Variants in FN3K observed in about 807,000 individuals in gnomAD.
The protein encoded by FN3K is fructosamine-3-kinase.
FN3K carries 24 observed loss-of-function variants against 24.8 expected under a neutral mutation model. That is an observed-to-expected ratio of 0.97 (90% CI 0.70 to 1.36). The LOEUF is 1.36. Among genes scored for constraint, FN3K ranks in the 40% most tolerant of loss-of-function variants. The probability of loss-of-function intolerance (pLI) is 0.00; values close to 1 mark genes in which losing one functional copy is unlikely to be tolerated. For synonymous variants in FN3K, 192 were observed against 175.2 expected, an observed-to-expected ratio of 1.10 and a Z score of -0.76; for missense variants, 449 against 416.7, an observed-to-expected ratio of 1.08 and a Z score of -0.67.
At chr17:82,750,024 C>T (rs913362275) in intron 5 of FN3K, 8 of 266,448 alleles carry the variant, frequency 3.0e-5, no homozygotes, top group Admixed American at 1.0e-4. Flanking sequence ...CGCCACTGCA[C>T]TCCAGCCTGG....
In FN3K at chr17:82,750,731, C is replaced by T. The variant is rs149413139; in HGVS notation, c.906C>T (p.Gly302=). The T allele has an allele frequency of 0.016, 25,316 of 1,613,116 alleles. 247 individuals carry two copies. Among genetic ancestry groups the T allele is most frequent in the Non-Finnish European group, 0.018 (20,816 of 1,179,884 alleles). ...GGGAGTACAGGAGCCCTTCCTTGGG[C>T]ACCATGCGAAGGCTGCTCAAGTAGC... The part of the protein sequence containing the change: ...FGREYRSPSL[G]TMRRLLK Residue 302 remains glycine (G), a synonymous_variant, in exon 6 of 6, where the codon GGC becomes GGT. Transcript: ENST00000300784.
At chr17:82,748,579 A>C (rs1334961881) in intron 4 of FN3K, among the ~76,000 whole-genome samples, 1 of 151,554 alleles carries the variant, frequency 6.6e-6, no homozygotes, top group Non-Finnish European at 1.5e-5. Flanking sequence ...CAACCTGCCA[A>C]TCTGTCATTT....
intron 5 of FN3K, chr17:82,749,229 C>T: frequency 1.8e-6 from 1 of 568,928 alleles, no homozygotes; most frequent in Non-Finnish European, 3.2e-6. Context: ...TCAGACTTTC[C>T]TCATGTGAAA....
intron 4 of FN3K, among the ~76,000 whole-genome samples, chr17:82,743,820 G>A (rs2046953940): frequency 6.6e-6 from 1 of 152,348 alleles, no homozygotes; most frequent in East Asian, 1.9e-4. Context: ...CAGACCACAG[G>A]CCCTGACCAT....
At chr17:82,743,058 C>T (rs563521283) in intron 4 of FN3K, among the ~76,000 whole-genome samples, 1 of 152,320 alleles carries the variant, frequency 6.6e-6, no homozygotes, top group South Asian at 2.1e-4. Flanking sequence ...AGATCTCAGC[C>T]ACAGCTGGCT....
chr17:82,748,921 C>G lies in FN3K; in HGVS notation c.535C>G (p.Leu179Val). 6.2e-7 allele frequency: 1 copy of G among 1,614,166 alleles called. No individual in the cohort carries two copies. Among genetic ancestry groups the G allele is most frequent in the Non-Finnish European group, 8.5e-7 (1 of 1,180,042 alleles). ...ARHRLQAQLD[L>V]IEKDYADREA... ...GCACCGGCTCCAGGCGCAGCTGGAC[C>G]TCATTGAGAAGGACTATGCTGACCG... Residue 179 changes from leucine (L) to valine (V), a missense_variant, in exon 5 of 6, where the codon CTC becomes GTC. Leu to Val is a conservative substitution (Grantham distance 32, BLOSUM62 1). Transcript: ENST00000300784.
intron 3 of FN3K, 110 bp from the exon 4 acceptor site, chr17:82,741,201 C>T: frequency 1.1e-6 from 1 of 943,752 alleles, no homozygotes; most frequent in South Asian, 1.4e-5. Context: ...CATCCTCAGA[C>T]CACCTATATT....
At chr17:82,749,306 C>G (rs2046987317) in intron 5 of FN3K, 1 of 402,338 alleles carries the variant, frequency 2.5e-6, no homozygotes, top group Admixed American at 3.6e-5. Flanking sequence ...CACTTGTCCA[C>G]TCCATCGTGT....
At chr17:82,746,305 A>G (rs2046968395) in intron 4 of FN3K, among the ~76,000 whole-genome samples, 1 of 152,062 alleles carries the variant, frequency 6.6e-6, no homozygotes, top group African/African-American at 2.4e-5. Context: ...GATGTGGAGC[A>G]TCTATTCGTG....
chr17:82,735,871 C>A, intron 1 of FN3K, 94 bp downstream of exon 1: 2 of 1,493,534 alleles, frequency 1.3e-6, no homozygotes, highest in South Asian at 1.2e-5. Flanking sequence ...TGGGGCTGGG[C>A]CTGGGGAGGG....
chr17:82,748,447 C>T (rs2046980745), intron 4 of FN3K, among the ~76,000 whole-genome samples: 1 of 152,078 alleles, frequency 6.6e-6, no homozygotes, highest in Non-Finnish European at 1.5e-5. Context: ...TGTGCCTGGC[C>T]TCCAGCTTTC....
At position 82,735,734 on chromosome 17, in the gene FN3K, C is replaced by T. The variant is rs1255868173; in HGVS notation, c.98C>T (p.Thr33Met). 1.3e-6 allele frequency: 2 copies of T among 1,559,944 alleles called. No homozygotes were observed. Residue 33 changes from threonine to methionine, a missense_variant, in exon 1 of 6, where the codon ACG (threonine) becomes ATG (methionine). Physicochemically the swap from Thr to Met is moderately conservative, Grantham distance 81. Transcript: ENST00000300784. Reference sequence around the variant, plus strand: ...ATCAGCGAGGGCCGAGCCTACGACACGGACGCAGGCCCAGTGTTCGTCAAA... The same window carrying T: ...ATCAGCGAGGGCCGAGCCTACGACATGGACGCAGGCCCAGTGTTCGTCAAA... ...GCISEGRAYD[T>M]DAGPVFVKVN...
intron 3 of FN3K, 33 bp from the exon 4 acceptor site, chr17:82,741,278 C>T: frequency 6.3e-7 from 1 of 1,597,092 alleles, no homozygotes. Flanking sequence ...GAAAGACAAA[C>T]AGCTCCTTCA....
At chr17:82,742,823 A>G in intron 4 of FN3K, 1 of 434,484 alleles carries the variant, frequency 2.3e-6, no homozygotes, top group South Asian at 1.6e-5. Context: ...GAATACTTTC[A>G]AATCTGTCTC....
intron 1 of FN3K, chr17:82,737,844 G>C (rs1053106079): frequency 6.6e-6 from 1 of 152,362 alleles, no homozygotes; most frequent in Non-Finnish European, 1.5e-5. Flanking sequence ...GGTATTCATG[G>C]ACCACGTTCG....
intron 4 of FN3K, among the ~76,000 whole-genome samples, chr17:82,742,066 C>G (rs2046944133): frequency 2.0e-5 from 3 of 152,174 alleles, no homozygotes; most frequent in South Asian, 2.1e-4. Flanking sequence ...CACCACCACA[C>G]CCGGCTAATT....
chr17:82,750,142 G>A (rs1398144360), intron 5 of FN3K, among the ~76,000 whole-genome samples: 1 of 152,190 alleles, frequency 6.6e-6, no homozygotes, highest in East Asian at 1.9e-4. Context: ...CTAAGGTAGC[G>A]CAACACTGGT....
At chr17:82,745,087 G>T (rs12452572) in intron 4 of FN3K, 1 of 153,072 alleles carries the variant, frequency 6.5e-6, no homozygotes, top group Non-Finnish European at 1.4e-5. Context: ...TATGGGTGTC[G>T]GGCTGGGGGA....
chr17:82,747,900 T>C (rs567551540), intron 4 of FN3K, among the ~76,000 whole-genome samples: 32 of 152,226 alleles, frequency 2.1e-4, no homozygotes, highest in African/African-American at 7.5e-4. Flanking sequence ...CAAATACAGG[T>C]ATATTAGGGG....
Sources: gnomAD v4.1 joint callset for allele counts (sites outside exome capture counted in the v4.1 genomes callset) on GRCh38, gnomAD v4.1.1 for gene constraint, MANE v1.5 for transcripts, NCBI Gene and HGNC (gene_info 2026-07-23, HGNC 2026-07-21) for gene names.